The following BICC1 variants were observed in gnomAD, a reference collection of about 807,000 sequenced individuals.
The protein encoded by BICC1 is BicC family RNA binding protein 1, also known as protein bicaudal C homolog 1.
A neutral mutation model predicts 111.0 loss-of-function variants in BICC1; 43 were observed. That is an observed-to-expected ratio of 0.39 (90% CI 0.30 to 0.50). The LOEUF (loss-of-function observed/expected upper bound fraction) is 0.50. BICC1 is among the 20% of genes least tolerant of loss of function. The pLI is 0.88. For synonymous variants in BICC1, 467 were observed against 434.4 expected (o/e 1.07, Z -0.93); for missense variants, 1,091 against 1,203.2 (o/e 0.91, Z 1.38).
At chr10:58,538,026 G>A (rs1293727890) in intron 1 of BICC1, among the ~76,000 whole-genome samples, 4 of 151,734 alleles carry the variant, frequency 2.6e-5, no homozygotes, top group South Asian at 2.1e-4. Flanking sequence ...AATCAATATC[G>A]TGAAAATGAC....
At chr10:58,611,275 A>G (rs1325649619) in intron 1 of BICC1, among the ~76,000 whole-genome samples, 1 of 152,244 alleles carries the variant, frequency 6.6e-6, no homozygotes, top group Non-Finnish European at 1.5e-5. Flanking sequence ...AGAAAAAATG[A>G]TAAACAGACC....
intron 1 of BICC1, among the ~76,000 whole-genome samples, chr10:58,561,133 T>C (rs1843592087): frequency 6.6e-6 from 1 of 152,018 alleles, no homozygotes; most frequent in Admixed American, 6.6e-5. Context: ...AGTAGAGTGT[T>C]GAAGTCCTCA....
intron 3 of BICC1, among the ~76,000 whole-genome samples, chr10:58,739,084 C>T (rs11006242): frequency 2.9e-4 from 44 of 152,034 alleles, no homozygotes; most frequent in African/African-American, 9.4e-4. Flanking sequence ...ATTTCCTTCT[C>T]TTGCCTAATT....
chr10:58,705,670 A>C (rs1840365640), intron 3 of BICC1, among the ~76,000 whole-genome samples: 1 of 152,232 alleles, frequency 6.6e-6, no homozygotes, highest in Non-Finnish European at 1.5e-5. Context: ...ATGTTTTGTG[A>C]TATAAACTAA....
intron 2 of BICC1, among the ~76,000 whole-genome samples, chr10:58,627,102 C>CAAAAAAAAA (rs547590404): frequency 7.2e-6 from 1 of 139,676 alleles, no homozygotes; most frequent in African/African-American, 2.6e-5. Context: ...AACTCCATCT[C>CAAAAAAAAA]AAAAAAAAAA....
chr10:58,749,539 A>G (rs929265660), intron 3 of BICC1, among the ~76,000 whole-genome samples: 10 of 152,190 alleles, frequency 6.6e-5, no homozygotes, highest in African/African-American at 2.2e-4. Context: ...TAATGTATCC[A>G]CTTAATTTCG....
chr10:58,582,812 C>T (rs369521335), intron 1 of BICC1, among the ~76,000 whole-genome samples: 1 of 152,184 alleles, frequency 6.6e-6, no homozygotes, highest in African/African-American at 2.4e-5. Flanking sequence ...CCTGATTCTT[C>T]TGCCTTTCTC....
chr10:58,685,492 G>T (rs972698788), intron 2 of BICC1, among the ~76,000 whole-genome samples: 1 of 152,084 alleles, frequency 6.6e-6, no homozygotes, highest in Non-Finnish European at 1.5e-5. Flanking sequence ...TTATTATTTT[G>T]TGGGAGTCTA....
chr10:58,705,306 G>A (rs1840356882), intron 3 of BICC1, among the ~76,000 whole-genome samples: 1 of 152,214 alleles, frequency 6.6e-6, no homozygotes, highest in Non-Finnish European at 1.5e-5. Flanking sequence ...GACCACTACT[G>A]AGAAACAGCA....
At chr10:58,516,830 A>T (rs1842254488) in intron 1 of BICC1, among the ~76,000 whole-genome samples, 1 of 152,184 alleles carries the variant, frequency 6.6e-6, no homozygotes, top group South Asian at 2.1e-4. Context: ...GTTACATATC[A>T]TAACTCACAT....
At chr10:58,823,887 T>C (rs1209587563) in intron 20 of BICC1, 2 of 985,068 alleles carry the variant, frequency 2.0e-6, no homozygotes, top group Non-Finnish European at 2.4e-6. Context: ...TTTGAAGTGC[T>C]GTGTTTGTTT....
intron 1 of BICC1, among the ~76,000 whole-genome samples, chr10:58,560,844 T>A (rs1396648704): frequency 6.6e-6 from 1 of 152,104 alleles, no homozygotes; most frequent in African/African-American, 2.4e-5. Context: ...ATATTTTCAT[T>A]TCCATTTATT....
chr10:58,602,657 A>G (rs1023918166), intron 1 of BICC1, among the ~76,000 whole-genome samples: 31 of 152,188 alleles, frequency 2.0e-4, no homozygotes, highest in Admixed American at 1.4e-3. Flanking sequence ...GCTTAATTTC[A>G]TAAAAGTAGG....
At position 58,601,194 on chromosome 10, in the gene BICC1, A is replaced by T. The variant is rs574849562; in HGVS notation, c.191-19661A>T. Among the ~76,000 whole-genome samples, 4 of 137,450 alleles carry T rather than the reference A, an allele frequency of 2.9e-5. No individual in the cohort carries two copies. The East Asian group carries it at 8.6e-4, about 29-fold the overall frequency. The allele number at this position is 137,450 out of a possible 152,430, so 90.2% of individuals were successfully genotyped here. On this transcript the variant is annotated intron_variant, in intron 1 of 20. Transcript: ENST00000373886. ...TATCTCCCAATAAAATTTGGAAAAT[A>T]AAAAAAATTTAATATAATCATACTC...
At chr10:58,817,440 C>A in intron 18 of BICC1, 122 bp from the exon 19 acceptor site, 1 of 1,040,196 alleles carries the variant, frequency 9.6e-7, no homozygotes, top group South Asian at 1.4e-5. Context: ...TGTATTTCTA[C>A]AGCTACTGCC....
At chr10:58,580,317 C>T (rs910191947) in intron 1 of BICC1, among the ~76,000 whole-genome samples, 9 of 152,174 alleles carry the variant, frequency 5.9e-5, no homozygotes, top group Non-Finnish European at 1.3e-4. Context: ...AGCCACTTTG[C>T]CTGGCCTCTC....
chr10:58,543,693 A>G (rs1259528692), intron 1 of BICC1, among the ~76,000 whole-genome samples: 1 of 151,964 alleles, frequency 6.6e-6, no homozygotes, highest in Non-Finnish European at 1.5e-5. Context: ...TAGGTTTTGT[A>G]GAGACAGTCT....
At chr10:58,669,270 A>G (rs1839109854) in intron 2 of BICC1, among the ~76,000 whole-genome samples, 1 of 151,998 alleles carries the variant, frequency 6.6e-6, no homozygotes. Context: ...TTTGGGTTCC[A>G]AAGGATTTTG....
intron 2 of BICC1, among the ~76,000 whole-genome samples, chr10:58,666,548 A>G (rs1263272786): frequency 6.6e-6 from 1 of 152,186 alleles, no homozygotes; most frequent in Non-Finnish European, 1.5e-5. Context: ...TCCTTATCCA[A>G]GCACACAGAA....
Sources: allele counts gnomAD v4.1 joint callset (sites outside exome capture counted in the v4.1 genomes callset), GRCh38; gene constraint gnomAD v4.1.1; transcripts MANE v1.5; gene names NCBI Gene and HGNC (gene_info 2026-07-23, HGNC 2026-07-21).